INPP5A: variants seen among roughly 807,000 people sequenced by gnomAD.
INPP5A encodes inositol polyphosphate-5-phosphatase A, also known as 43 kDa inositol polyphosphate 5-phophatase.
A neutral mutation model predicts 65.2 loss-of-function variants in INPP5A; 14 were observed. That is an observed-to-expected ratio of 0.21 (90% CI 0.14 to 0.34). INPP5A has a LOEUF of 0.34. Ranked by LOEUF, INPP5A falls within the 10% of genes least tolerant of loss-of-function variation. The pLI is 1.00. For synonymous variants in INPP5A, 207 were observed against 208.3 expected, an observed-to-expected ratio of 0.99 and a Z score of 0.05; for missense variants, 431 against 545.6, an observed-to-expected ratio of 0.79 and a Z score of 2.09.
chr10:132,771,262 T>C (rs1025298019), intron 12 of INPP5A, among the ~76,000 whole-genome samples: 1 of 151,878 alleles, frequency 6.6e-6, no homozygotes, highest in African/African-American at 2.4e-5. Flanking sequence ...CAAGACCCCA[T>C]CTCCCAGGCC....
At chr10:132,761,846 C>G (rs1373576945) in intron 11 of INPP5A, among the ~76,000 whole-genome samples, 1 of 152,098 alleles carries the variant, frequency 6.6e-6, no homozygotes, top group Non-Finnish European at 1.5e-5. Context: ...AAAGGCAGGA[C>G]AGACCGTCAA....
chr10:132,567,227 C>G (rs189534343), intron 1 of INPP5A, among the ~76,000 whole-genome samples: 6 of 152,366 alleles, frequency 3.9e-5, no homozygotes, highest in Admixed American at 1.3e-4. Flanking sequence ...TCTCATCCCA[C>G]ATTCTGCAGA....
At chr10:132,764,433 TGCG>T (rs1846793752) in intron 11 of INPP5A, among the ~76,000 whole-genome samples, 2 of 130,774 alleles carry the variant, frequency 1.5e-5, no homozygotes, top group African/African-American at 3.0e-5. Context: ...TCAGTCCTGC[TGCG>T]GTGGGAGGGT....
chr10:132,582,516 C>G (rs1387227506), intron 1 of INPP5A, among the ~76,000 whole-genome samples: 3 of 151,326 alleles, frequency 2.0e-5, no homozygotes, highest in African/African-American at 7.3e-5. Flanking sequence ...CTCCCGGGCT[C>G]AAGCGATCCT....
rs1298979321 is a variant in INPP5A, at chr10:132,705,347, C to G, written c.475-2966C>G. Among the ~76,000 whole-genome samples the G allele has an allele frequency of 2.6e-5, 4 of 152,232 alleles. No homozygotes were observed. The highest frequency in any genetic ancestry group is 5.9e-5 in the Non-Finnish European group (4 of 68,036). On this transcript the variant is annotated intron_variant, in intron 6 of 15. Coordinates refer to ENST00000368594, the MANE Select transcript of INPP5A (RefSeq NM_005539.5). The surrounding 1 kb of genome is among the most constrained non-coding windows in gnomAD (Gnocchi z 4.9). ...CACCCCGCCATAGAGCTCCCTGGGT[C>G]GTCTGGGCATGGCCCCATGCAGCAG...
Position 132,699,783 on chromosome 10 carries a change from C to T in INPP5A, c.474+1864C>T, listed in dbSNP as rs1446035581. Among the ~76,000 whole-genome samples the T allele has an allele frequency of 3.9e-5, 6 of 152,164 alleles. No homozygotes were observed. The East Asian group carries it at 5.8e-4, about 15-fold the overall frequency. On this transcript the variant is annotated intron_variant, in intron 6 of 15. Coordinates refer to ENST00000368594, the MANE Select transcript of INPP5A (RefSeq NM_005539.5). Reference sequence around the variant, plus strand: ...ACCCCTCCGTCTCTCAGCCCCGCCCCGAAGCAGCCCTGCCACTCTGGCCAG... The same window carrying T: ...ACCCCTCCGTCTCTCAGCCCCGCCCTGAAGCAGCCCTGCCACTCTGGCCAG...
chr10:132,709,303 G>A (rs1336359481), intron 7 of INPP5A, among the ~76,000 whole-genome samples: 1 of 111,646 alleles, frequency 9.0e-6, no homozygotes, highest in Admixed American at 8.2e-5. Context: ...GGAGGGGATG[G>A]GGGAAGGAGG....
chr10:132,775,988 G>T (rs993452900), intron 12 of INPP5A, among the ~76,000 whole-genome samples: 3 of 150,522 alleles, frequency 2.0e-5, no homozygotes, highest in African/African-American at 4.9e-5. Context: ...CGTGTGTGCG[G>T]ATGCAATGGA....
intron 11 of INPP5A, among the ~76,000 whole-genome samples, chr10:132,763,674 AAC>A (rs1174378556): frequency 1.3e-5 from 2 of 148,750 alleles, no homozygotes; most frequent in African/African-American, 2.5e-5. Context: ...TGCACACATA[AAC>A]ACGTGCCTGC....
At chr10:132,591,030 G>T (rs2071612965) in intron 1 of INPP5A, among the ~76,000 whole-genome samples, 1 of 152,230 alleles carries the variant, frequency 6.6e-6, no homozygotes, top group African/African-American at 2.4e-5. Flanking sequence ...CTCCCAGCTT[G>T]GCGGGAGGAG....
intron 1 of INPP5A, among the ~76,000 whole-genome samples, chr10:132,579,634 G>A (rs562621117): frequency 1.3e-5 from 2 of 152,280 alleles, no homozygotes; most frequent in African/African-American, 2.4e-5. Flanking sequence ...CTGCGGTGGT[G>A]GGGCCTGCTT....
Position 132,627,811 on chromosome 10 carries a change from A to G in INPP5A, c.118-18057A>G, listed in dbSNP as rs2133368925. 6.6e-6 allele frequency among the ~76,000 whole-genome samples: 1 copy of G among 152,132 alleles called. No homozygotes were observed. On this transcript the variant is annotated intron_variant, in intron 2 of 15. Transcript: ENST00000368594. The surrounding 1 kb of genome is among the most constrained non-coding windows in gnomAD (Gnocchi z 6.6). Reference sequence around the variant, plus strand: ...TCAGGGTAACGGCAGCCACGGACAGATTTGTGAGGACCTTTGGTTGGAGTA... The same window carrying G: ...TCAGGGTAACGGCAGCCACGGACAGGTTTGTGAGGACCTTTGGTTGGAGTA...
At chr10:132,743,976 T>C (rs968084530) in intron 9 of INPP5A, among the ~76,000 whole-genome samples, 7 of 152,210 alleles carry the variant, frequency 4.6e-5, no homozygotes, top group African/African-American at 1.7e-4. Context: ...GTTTTTGTTA[T>C]GAGAAAGAAC....
At chr10:132,596,791 C>T (rs2071696230) in intron 1 of INPP5A, among the ~76,000 whole-genome samples, 1 of 151,702 alleles carries the variant, frequency 6.6e-6, no homozygotes, top group Non-Finnish European at 1.5e-5. Context: ...GTGCAGGCTC[C>T]TGTACATGTG....
intron 11 of INPP5A, among the ~76,000 whole-genome samples, chr10:132,752,237 G>A (rs1026070604): frequency 6.6e-6 from 1 of 151,994 alleles, no homozygotes; most frequent in African/African-American, 2.4e-5. Context: ...CAAAGTCTCC[G>A]GGGACCTTGC....
intron 1 of INPP5A, among the ~76,000 whole-genome samples, chr10:132,594,506 G>A (rs918193958): frequency 2.0e-5 from 3 of 152,134 alleles, no homozygotes; most frequent in African/African-American, 7.2e-5. Context: ...GTGAGTGTGT[G>A]GGGTGCGTTT....
rs530827325 is a variant in INPP5A at position 132,771,236 on chromosome 10, C to G, written c.977+5390C>G. 2.0e-5 allele frequency among the ~76,000 whole-genome samples: 3 copies of G among 152,310 alleles called. No homozygotes were observed. In the South Asian group the frequency reaches 6.2e-4, roughly 32 times the overall value. ...GCAGAGGACTCCCTGGAGGCCTCAT[C>G]TCATCCCACCCAGCCCAAGACCCCA... On this transcript the variant is annotated intron_variant, in intron 12 of 15. Transcript: ENST00000368594.
At chr10:132,690,143 G>A (rs1359970754) in intron 4 of INPP5A, among the ~76,000 whole-genome samples, 1 of 152,234 alleles carries the variant, frequency 6.6e-6, no homozygotes, top group Non-Finnish European at 1.5e-5. Context: ...TGCCTGGCCC[G>A]TGGGACTTGC....
At chr10:132,672,853 C>T (rs1431978038) in intron 4 of INPP5A, among the ~76,000 whole-genome samples, 1 of 152,324 alleles carries the variant, frequency 6.6e-6, no homozygotes, top group Non-Finnish European at 1.5e-5. Flanking sequence ...CCTTCTTCTA[C>T]TGTCCATTCT....
Sources: allele counts gnomAD v4.1 joint callset (sites outside exome capture counted in the v4.1 genomes callset), GRCh38; gene constraint gnomAD v4.1.1; non-coding constraint Gnocchi (gnomAD v3.1); transcripts MANE v1.5; gene names NCBI Gene and HGNC (gene_info 2026-07-23, HGNC 2026-07-21).